Variants in BCOR observed in about 807,000 individuals in gnomAD.
BCOR encodes BCL6 corepressor, also known as BCL-6 corepressor.
A neutral mutation model predicts 86.7 loss-of-function variants in BCOR; 10 were observed. That is an observed-to-expected ratio of 0.12 (90% CI 0.07 to 0.20). BCOR has a LOEUF of 0.20. BCOR is among the 10% of genes least tolerant of loss of function. BCOR has a pLI of 1.00. For synonymous variants in BCOR, 611 were observed against 609.0 expected (o/e 1.00, Z -0.05); for missense variants, 1,259 against 1,452.1 (o/e 0.87, Z 2.16).
chrX:40,055,392 C>T lies in BCOR; in HGVS notation c.4717G>A (p.Glu1573Lys). 1.7e-6 allele frequency: 2 copies of T among 1,211,023 alleles called. No homozygotes were observed. Among genetic ancestry groups the T allele is most frequent in the Non-Finnish European group, 2.2e-6 (2 of 894,847 alleles). Residue 1573 changes from glutamate (E) to lysine (K), a missense_variant, in exon 12 of 15, where the codon GAA becomes AAA. Physicochemically the swap from Glu to Lys is moderately conservative, Grantham distance 56. This residue lies in a region of BCOR where 137 missense variants were observed against 149.8 expected (regional missense o/e 0.91). Coordinates refer to ENST00000378444, the MANE Select transcript of BCOR (RefSeq NM_001123385.2). ...GRTIMKMTHS[E>K]LMEKFLTDYL... ...CCTGTTAAGAACTTTTCCATAAGTTCACTGTGGGTCATTTTCATGATGGTT... is the reference window on the plus strand; with the variant it reads ...CCTGTTAAGAACTTTTCCATAAGTTTACTGTGGGTCATTTTCATGATGGTT...
intron 1 of BCOR, among the ~76,000 whole-genome samples, chrX:40,171,474 A>G (rs373358023): frequency 2.1e-5 from 2 of 93,258 alleles, no homozygotes; most frequent in East Asian, 3.6e-4. Flanking sequence ...TGGGGGATTC[A>G]TGTGTTTAGG....
chrX:40,107,853 CA>C (rs1937222335), intron 1 of BCOR, among the ~76,000 whole-genome samples: 1 of 113,538 alleles, frequency 8.8e-6, no homozygotes, highest in African/African-American at 3.2e-5. Context: ...TGTGTGGTGT[CA>C]TTTGCATAAA....
At chrX:40,152,196 T>C (rs1938181285) in intron 1 of BCOR, among the ~76,000 whole-genome samples, 1 of 111,045 alleles carries the variant, frequency 9.0e-6, no homozygotes, top group Admixed American at 9.4e-5. Context: ...CCGGGGAATT[T>C]AGTCCTGCAA....
rs762019351 is a variant in BCOR at position 40,072,985 on chromosome X, C to A, written c.2361G>T (p.Pro787=). The change falls in exon 4 of 15, where the codon CCG becomes CCT. Residue 787 remains proline, a synonymous_variant. Coordinates refer to ENST00000378444, the MANE Select transcript of BCOR (RefSeq NM_001123385.2). ...TCTTCCCTTGATTCCAGTTGGGGTTCGGCTTTAGGTTCTTGTCGGTGGGGA... is the reference window on the plus strand; with the variant it reads ...TCTTCCCTTGATTCCAGTTGGGGTTAGGCTTTAGGTTCTTGTCGGTGGGGA... ...PDVPTDKNLK[P]NPNWNQGKTV... is the part of the protein sequence containing the mutation. The A allele has an allele frequency of 8.3e-7, 1 of 1,210,156 alleles. No individual in the cohort carries two copies. The highest frequency in any genetic ancestry group is 1.7e-5 in the African/African-American group (1 of 57,161).
intron 1 of BCOR, among the ~76,000 whole-genome samples, chrX:40,094,594 T>C (rs1197466512): frequency 8.8e-6 from 1 of 113,091 alleles, no homozygotes; most frequent in African/African-American, 3.2e-5. Flanking sequence ...GCGTCGTGCT[T>C]AGAGAACAAG....
chrX:40,072,033 C>T (rs1935498590), intron 4 of BCOR: 2 of 400,291 alleles, frequency 5.0e-6, no homozygotes, highest in Non-Finnish European at 8.6e-6. Context: ...TGCTATCTTA[C>T]AGGCAGAGAA....
intron 12 of BCOR, among the ~76,000 whole-genome samples, chrX:40,054,609 G>T (rs1393159362): frequency 1.8e-5 from 2 of 110,727 alleles, no homozygotes; most frequent in Non-Finnish European, 3.8e-5. Flanking sequence ...GGGTTCAAGG[G>T]ATTCTCCTGC....
At chrX:40,063,093 G>A (rs1419263585) in intron 8 of BCOR, 22 bp from the exon 9 acceptor site, 1 of 1,072,814 alleles carries the variant, frequency 9.3e-7, no homozygotes, top group Admixed American at 2.7e-5. Context: ...GGGGGTGACG[G>A]GGTGGCGGGC....
At chrX:40,116,247 C>T (rs1455804650) in intron 1 of BCOR, among the ~76,000 whole-genome samples, 1 of 112,004 alleles carries the variant, frequency 8.9e-6, no homozygotes, top group African/African-American at 3.2e-5. Flanking sequence ...CCTGTAATCC[C>T]AGTGCTTTGG....
chrX:40,098,867 G>A (rs757772540), upstream of BCOR, among the ~76,000 whole-genome samples: 1 of 112,657 alleles, frequency 8.9e-6, no homozygotes, highest in Non-Finnish European at 1.9e-5. Flanking sequence ...GGTGGGGGAA[G>A]GGGGGAGCAG....
At chrX:40,076,378 G>A (rs989423302) in intron 3 of BCOR, 76 bp downstream of exon 3, 2 of 849,122 alleles carry the variant, frequency 2.4e-6, no homozygotes, top group Non-Finnish European at 3.5e-6. Flanking sequence ...CCCTTTAAGG[G>A]CATGCAAATT....
At chrX:40,114,714 G>A (rs1937365186) in intron 1 of BCOR, among the ~76,000 whole-genome samples, 1 of 111,401 alleles carries the variant, frequency 9.0e-6, no homozygotes, top group Admixed American at 9.6e-5. Flanking sequence ...TTTTAACAAT[G>A]AATAATTCCT....
intron 1 of BCOR, among the ~76,000 whole-genome samples, chrX:40,128,013 TCAGGAGTTCAAGAC>T (rs1337128954): frequency 3.1e-4 from 30 of 96,495 alleles, no homozygotes; most frequent in Middle Eastern, 7.9e-3. Flanking sequence ...GATCACGAGA[TCAGGAGTTCAAGAC>T]CAGCCTGGCC....
At chrX:40,081,605 C>T (rs1187371437) in intron 1 of BCOR, among the ~76,000 whole-genome samples, 1 of 112,273 alleles carries the variant, frequency 8.9e-6, no homozygotes, top group Non-Finnish European at 1.9e-5. Flanking sequence ...CCCACCTCCA[C>T]CCCCCACTTC....
rs959790798 is a variant in BCOR at position 40,073,028 on chromosome X, G to T, written c.2318C>A (p.Thr773Asn). 8.3e-7 allele frequency: 1 copy of T among 1,210,674 alleles called. No individual in the cohort carries two copies. The highest frequency in any genetic ancestry group is 1.7e-5 in the African/African-American group (1 of 57,340). The change falls in exon 4 of 15, where the codon ACC (threonine) becomes AAC (asparagine). Residue 773 changes from threonine to asparagine, a missense_variant. Physicochemically the swap from Thr to Asn is moderately conservative, Grantham distance 65. Coordinates refer to ENST00000378444, the MANE Select transcript of BCOR (RefSeq NM_001123385.2). ...RFSEILETSS[T>N]KLHPDVPTDK... ...GGTGGGGACATCTGGATGTAACTTG[G>T]TGCTGCTAGTTTCCAAAATCTCGGA...
chrX:40,108,505 A>G (rs1206224440), intron 1 of BCOR, among the ~76,000 whole-genome samples: 2 of 113,500 alleles, frequency 1.8e-5, no homozygotes, highest in Non-Finnish European at 1.9e-5. Flanking sequence ...CACCGGGGTT[A>G]GGAGCCACCC....
At chrX:40,093,410 G>A (rs1936705702) in intron 1 of BCOR, among the ~76,000 whole-genome samples, 2 of 111,958 alleles carry the variant, frequency 1.8e-5, no homozygotes, top group South Asian at 7.4e-4. Flanking sequence ...AGGAAGAGGA[G>A]GGAGGAGGAG....
chrX:40,076,590 C>T, intron 2 of BCOR, 58 bp from the exon 3 acceptor site: 2 of 922,119 alleles, frequency 2.2e-6, no homozygotes, highest in South Asian at 2.0e-5. Flanking sequence ...CCATCTTTCA[C>T]AGATCTCCCC....
At chrX:40,139,425 C>T (rs374230763) in intron 1 of BCOR, among the ~76,000 whole-genome samples, 7 of 1,043 alleles carry the variant, frequency 6.7e-3, no homozygotes, top group Admixed American at 0.018. Context: ...AATATATATA[C>T]ATATATATAT....
Sources: allele counts gnomAD v4.1 joint callset (sites outside exome capture counted in the v4.1 genomes callset), GRCh38; gene constraint gnomAD v4.1.1; regional missense constraint gnomAD v4.1.1; transcripts MANE v1.5; gene names NCBI Gene and HGNC (gene_info 2026-07-23, HGNC 2026-07-21).